CPNE3: variants seen among roughly 807,000 people sequenced by gnomAD.
CPNE3 encodes copine 3, also known as copine-3.
In CPNE3, 68 loss-of-function variants were observed where a neutral mutation model predicts 63.9. That is an observed-to-expected ratio of 1.06 (90% CI 0.87 to 1.30). The LOEUF (loss-of-function observed/expected upper bound fraction) is 1.30. Among genes scored for constraint, CPNE3 ranks in the 50% most tolerant of loss-of-function variants. The probability of loss-of-function intolerance (pLI) is 0.00; values close to 1 mark genes in which losing one functional copy is unlikely to be tolerated. For synonymous variants in CPNE3, 219 were observed against 197.5 expected (o/e 1.11, Z -0.91); for missense variants, 665 against 578.1 (o/e 1.15, Z -1.54).
rs1821436121 is a variant in CPNE3 at position 86,561,319 on chromosome 8, C to G, written c.*2909C>G. 1 of 152,162 alleles carries G rather than the reference C, an allele frequency of 6.6e-6. No individual in the cohort carries two copies. The highest frequency in any genetic ancestry group is 1.5e-5 in the Non-Finnish European group (1 of 68,034). 9.4% of individuals were successfully genotyped at this position (152,162 alleles called of 1,614,324 possible). ...GTTTTGTGCTTTTATGGATGTCATACTTGACAATACATGTGTAAGTTACTA... is the reference window on the plus strand; with the variant it reads ...GTTTTGTGCTTTTATGGATGTCATAGTTGACAATACATGTGTAAGTTACTA... On this transcript the variant is annotated 3_prime_UTR_variant, in exon 17 of 17. Coordinates refer to ENST00000517490, the MANE Select transcript of CPNE3 (RefSeq NM_003909.5).
Position 86,556,306 on chromosome 8 carries a change from GTCCAGTTTGTGCCTTTCAGACAGT to G in CPNE3, c.1465_1488del (p.Phe489_Gln496del). The G allele has an allele frequency of 1.1e-6, 1 of 873,036 alleles. No homozygotes were observed. The highest frequency in any genetic ancestry group is 2.0e-6 in the Non-Finnish European group (1 of 501,688). 54.1% of individuals were successfully genotyped at this position (873,036 alleles called of 1,614,324 possible). A position where few individuals can be genotyped will look rare whatever the true frequency, so the allele number is the denominator to read the frequency against. On this transcript the variant is annotated inframe_deletion, in exon 16 of 17. Coordinates refer to ENST00000517490, the MANE Select transcript of CPNE3 (RefSeq NM_003909.5). ...GGGCGAAGTGGCCATCAGAGATATT[GTCCAGTTTGTGCCTTTCAGACAGT>G]TCCAGAATGTGAGTACCACTCCTCC...
intron 1 of CPNE3, 139 bp downstream of exon 1, chr8:86,514,680 G>C (rs1274299289): frequency 2.6e-5 from 4 of 152,210 alleles, no homozygotes; most frequent in Non-Finnish European, 5.9e-5. Flanking sequence ...GGGCCCTGCT[G>C]CTGGAAGTGC....
intron 4 of CPNE3, among the ~76,000 whole-genome samples, chr8:86,530,751 G>C (rs1327582459): frequency 6.7e-6 from 1 of 150,114 alleles, no homozygotes; most frequent in East Asian, 2.0e-4. Context: ...GAGTGCAACA[G>C]TGCGATCTTG....
At chr8:86,532,645 A>G in intron 6 of CPNE3, 65 bp downstream of exon 6, 1 of 1,380,250 alleles carries the variant, frequency 7.2e-7, no homozygotes, top group Non-Finnish European at 1.0e-6. Flanking sequence ...GAAAATAAAA[A>G]TGCAGTTAAT....
chr8:86,514,871 C>CT (rs1037183083), intron 1 of CPNE3: 3 of 152,410 alleles, frequency 2.0e-5, no homozygotes, highest in Admixed American at 1.3e-4. Flanking sequence ...TGGGGATAGG[C>CT]TGGGATCCGC....
chr8:86,527,042 TGCTTAG>T (rs1285293728), intron 2 of CPNE3, among the ~76,000 whole-genome samples: 1 of 152,244 alleles, frequency 6.6e-6, no homozygotes, highest in East Asian at 1.9e-4. Context: ...ACTTCAGATT[TGCTTAG>T]GCATTTTATA....
intron 1 of CPNE3, among the ~76,000 whole-genome samples, chr8:86,514,918 C>T (rs1428807145): frequency 6.6e-6 from 1 of 152,080 alleles, no homozygotes; most frequent in African/African-American, 2.4e-5. Context: ...GGCTTGTGGC[C>T]CAGAGAAGGG....
At chr8:86,533,940 A>C (rs1402844170) in intron 6 of CPNE3, among the ~76,000 whole-genome samples, 2 of 152,024 alleles carry the variant, frequency 1.3e-5, no homozygotes, top group Non-Finnish European at 2.9e-5. Context: ...TCAATGGAGA[A>C]AACTGATTTC....
At position 86,559,258 on chromosome 8, in the gene CPNE3, C is replaced by A. The variant is rs564019329; in HGVS notation, c.*848C>A. ...TTACTTTAATTGAGATTTGTTAAAA[C>A]GGTTAGGACTGTTTTGTCCAGGAAA... is the stretch of plus-strand genomic sequence containing the variant. On this transcript the variant is annotated 3_prime_UTR_variant, in exon 17 of 17. Transcript: ENST00000517490. The A allele has an allele frequency of 6.6e-6, 1 of 151,874 alleles. No individual in the cohort carries two copies. The highest frequency in any genetic ancestry group is 1.5e-5 in the Non-Finnish European group (1 of 68,000). The allele number at this position is 151,874 out of a possible 1,614,324, so 9.4% of individuals were successfully genotyped here.
rs548574913 is a variant in CPNE3 at position 86,537,857 on chromosome 8, A to G, written c.543+211A>G. On this transcript the variant is annotated intron_variant, in intron 7 of 16. Coordinates refer to ENST00000517490, the MANE Select transcript of CPNE3 (RefSeq NM_003909.5). The stretch of plus-strand genomic sequence containing the variant: ...TTTATTTTGAAAAATTTTAAGTCCT[A>G]TAAAGAACACTAAATGTATTCCTCT... Among the ~76,000 whole-genome samples the G allele has an allele frequency of 3.3e-5, 5 of 152,174 alleles. No individual in the cohort carries two copies. In the Middle Eastern group the frequency reaches 0.014, roughly 414 times the overall value.
chr8:86,547,724 G>T lies in CPNE3; in HGVS notation c.833G>T (p.Cys278Phe). The T allele has an allele frequency of 7.6e-7, 1 of 1,315,552 alleles. No homozygotes were observed. Among genetic ancestry groups the T allele is most frequent in the Non-Finnish European group, 1.1e-6 (1 of 912,512 alleles). 81.5% of individuals were successfully genotyped at this position (1,315,552 alleles called of 1,614,324 possible). The change falls in exon 11 of 17, where the codon TGC becomes TTC. Residue 278 changes from cysteine (C) to phenylalanine (F), a missense_variant. Physicochemically the swap from Cys to Phe is radical, Grantham distance 205. Transcript: ENST00000517490. ...SVKQCEITVE[C>F]TFLDYIMGGC... Reference sequence around the variant, plus strand: ...TCTTATTTTTAGATTACAGTAGAATGCACATTCCTTGACTATATAATGGGA... The same window carrying T: ...TCTTATTTTTAGATTACAGTAGAATTCACATTCCTTGACTATATAATGGGA...
chr8:86,547,720 G>A lies in CPNE3; in HGVS notation c.829G>A (p.Glu277Lys), dbSNP rs755463784. Residue 277 changes from glutamate to lysine, a missense_variant, in exon 11 of 17, where the codon GAA (glutamate) becomes AAA (lysine). Transcript: ENST00000517490. The part of the protein sequence containing the change: ...ISVKQCEITV[E>K]CTFLDYIMGG... Reference sequence around the variant, plus strand: ...TTTCTCTTATTTTTAGATTACAGTAGAATGCACATTCCTTGACTATATAAT... The same window carrying A: ...TTTCTCTTATTTTTAGATTACAGTAAAATGCACATTCCTTGACTATATAAT... 1 of 1,287,262 alleles carries A rather than the reference G, an allele frequency of 7.8e-7. No individual in the cohort carries two copies. Among genetic ancestry groups the A allele is most frequent in the South Asian group, 1.2e-5 (1 of 82,878 alleles). 79.7% of individuals were successfully genotyped at this position (1,287,262 alleles called of 1,614,324 possible).
At chr8:86,535,359 C>T (rs1033376682) in intron 6 of CPNE3, among the ~76,000 whole-genome samples, 4 of 148,954 alleles carry the variant, frequency 2.7e-5, no homozygotes, top group Admixed American at 1.3e-4. Flanking sequence ...CATGAAATTA[C>T]ACAACTATTT....
At chr8:86,543,858 T>C (rs551742893) in intron 8 of CPNE3, among the ~76,000 whole-genome samples, 1 of 152,122 alleles carries the variant, frequency 6.6e-6, no homozygotes, top group African/African-American at 2.4e-5. Context: ...ACAATCACAG[T>C]CAATTTTCAG....
At chr8:86,530,292 C>G (rs1458289854) in intron 4 of CPNE3, among the ~76,000 whole-genome samples, 1 of 151,976 alleles carries the variant, frequency 6.6e-6, no homozygotes, top group African/African-American at 2.4e-5. Flanking sequence ...ACCTCAGCCT[C>G]CCAAGTAGCT....
At chr8:86,540,456 AT>A in intron 8 of CPNE3, 122 bp downstream of exon 8, 1 of 418,248 alleles carries the variant, frequency 2.4e-6, no homozygotes, top group Non-Finnish European at 4.1e-6. Flanking sequence ...ACAGAGTTAA[AT>A]TTTATGTGTG....
At chr8:86,545,337 G>A (rs1821025124) in intron 9 of CPNE3, 1 of 152,172 alleles carries the variant, frequency 6.6e-6, no homozygotes, top group Admixed American at 6.6e-5. Flanking sequence ...GAATGACCCT[G>A]CCCCTCTCAA....
chr8:86,544,977 A>G (rs1821016588), intron 9 of CPNE3, 139 bp downstream of exon 9: 1 of 416,772 alleles, frequency 2.4e-6, no homozygotes, highest in Admixed American at 4.1e-5. Context: ...ATGTTTAGTA[A>G]TCACATAATC....
Position 86,528,690 on chromosome 8 carries a change from A to T in CPNE3, c.132+13A>T, listed in dbSNP as rs1820597894. On this transcript the variant is annotated intron_variant, in intron 3 of 16. Transcript: ENST00000517490. ...ACAGTGGTATGAGGTAATGTCAAAT[A>T]CTTTACCTAAAAAGTAATCTGAATT... 2 of 1,592,282 alleles carry T rather than the reference A, an allele frequency of 1.3e-6. No individual in the cohort carries two copies. The highest frequency in any genetic ancestry group is 8.5e-7 in the Non-Finnish European group (1 of 1,172,928).
Sources: gnomAD v4.1 joint callset for allele counts (sites outside exome capture counted in the v4.1 genomes callset) on GRCh38, gnomAD v4.1.1 for gene constraint, MANE v1.5 for transcripts, NCBI Gene and HGNC (gene_info 2026-07-23, HGNC 2026-07-21) for gene names.